COLEC10: variants seen among roughly 807,000 people sequenced by gnomAD.
COLEC10 encodes the protein collectin subfamily member 10, also known as collectin-10.
Under a neutral mutation model 28.4 loss-of-function variants are expected in COLEC10, and 22 were observed. The observed-to-expected ratio is 0.78, with a 90% CI of 0.55 to 1.11. The LOEUF (loss-of-function observed/expected upper bound fraction) is 1.11. COLEC10 is among the 50% of genes least tolerant of loss of function. The probability of loss-of-function intolerance (pLI) is 0.00; values close to 1 mark genes in which losing one functional copy is unlikely to be tolerated. For missense variants in COLEC10, 361 were observed against 344.1 expected (o/e 1.05, Z -0.39); for synonymous variants, 125 against 116.1 (o/e 1.08, Z -0.49).
intron 2 of COLEC10, among the ~76,000 whole-genome samples, chr8:119,050,493 A>G (rs762476916): frequency 4.6e-5 from 7 of 152,212 alleles, no homozygotes; most frequent in Non-Finnish European, 8.8e-5. Context: ...GAGAAACAGC[A>G]TATACACACT....
At chr8:119,101,049 TC>T (rs1815814924) in intron 3 of COLEC10, among the ~76,000 whole-genome samples, 2 of 152,160 alleles carry the variant, frequency 1.3e-5, no homozygotes, top group African/African-American at 2.4e-5. Flanking sequence ...CCAATGGGTG[TC>T]CTCAGCGCAT....
chr8:118,964,322 C>T, the COLEC10 span, among the ~76,000 whole-genome samples: 1 of 152,116 alleles, frequency 6.6e-6, no homozygotes, highest in Non-Finnish European at 1.5e-5. Flanking sequence ...ACAAATATAT[C>T]GATCCCTTCT....
intron 2 of COLEC10, among the ~76,000 whole-genome samples, chr8:119,038,683 C>T (rs12375331): frequency 0.22 from 32,896 of 152,144 alleles, 3,745 homozygotes; most frequent in Middle Eastern, 0.33. Context: ...ATGTAACTAA[C>T]ACCTGTGAAT....
intron 2 of COLEC10, among the ~76,000 whole-genome samples, chr8:119,050,757 G>T (rs572757849): frequency 1.3e-5 from 2 of 152,304 alleles, no homozygotes; most frequent in South Asian, 4.1e-4. Context: ...ATATGTCAGT[G>T]ATTCTGTCCT....
chr8:118,987,290 G>T, the COLEC10 span, among the ~76,000 whole-genome samples: 1 of 152,170 alleles, frequency 6.6e-6, no homozygotes, highest in East Asian at 1.9e-4. Context: ...CAGGCTGGGT[G>T]CAGTGGCTCA....
chr8:119,078,139 C>A (rs984340195), intron 1 of COLEC10, among the ~76,000 whole-genome samples: 1 of 152,314 alleles, frequency 6.6e-6, no homozygotes, highest in East Asian at 1.9e-4. Flanking sequence ...CTACCAGGCC[C>A]CACCTCCAAC....
At chr8:118,970,232 G>A in the COLEC10 span, among the ~76,000 whole-genome samples, 1 of 151,984 alleles carries the variant, frequency 6.6e-6, no homozygotes, top group Non-Finnish European at 1.5e-5. Flanking sequence ...CCTATTTAAG[G>A]AGTAGCAAAT....
intron 1 of COLEC10, among the ~76,000 whole-genome samples, chr8:119,077,435 G>C (rs887505895): frequency 2.6e-5 from 4 of 152,012 alleles, no homozygotes; most frequent in African/African-American, 9.7e-5. Flanking sequence ...CAACTGCCAA[G>C]GTGTCCCAGC....
the COLEC10 span, among the ~76,000 whole-genome samples, chr8:118,984,059 T>C: frequency 1.3e-5 from 2 of 149,370 alleles, no homozygotes; most frequent in African/African-American, 2.6e-5. Flanking sequence ...CTATTCACAA[T>C]AGCAAAGACA....
the COLEC10 span, among the ~76,000 whole-genome samples, chr8:118,967,526 T>A: frequency 1.3e-5 from 2 of 152,112 alleles, no homozygotes; most frequent in Non-Finnish European, 2.9e-5. Flanking sequence ...ACAATAATAA[T>A]GTCTGAAGTA....
intron 2 of COLEC10, among the ~76,000 whole-genome samples, chr8:119,021,717 C>A (rs1291922593): frequency 6.6e-6 from 1 of 152,104 alleles, no homozygotes; most frequent in African/African-American, 2.4e-5. Context: ...CCATCAACTC[C>A]AACAAGAAGA....
intron 2 of COLEC10, among the ~76,000 whole-genome samples, chr8:119,033,126 G>T (rs1489612030): frequency 6.6e-6 from 1 of 152,176 alleles, no homozygotes; most frequent in African/African-American, 2.4e-5. Flanking sequence ...GCAAATGGGG[G>T]TGTGGAGGGC....
chr8:119,034,177 G>A (rs751154642), intron 2 of COLEC10, among the ~76,000 whole-genome samples: 47 of 152,082 alleles, frequency 3.1e-4, no homozygotes, highest in Non-Finnish European at 5.9e-4. Context: ...TCACTCATAA[G>A]TGGGAGTTGA....
chr8:119,038,941 A>G (rs1451764045), intron 2 of COLEC10, among the ~76,000 whole-genome samples: 1 of 152,076 alleles, frequency 6.6e-6, no homozygotes, highest in Non-Finnish European at 1.5e-5. Flanking sequence ...CCTAATTACT[A>G]TTATACATAG....
At chr8:119,006,038 T>C (rs1813788631) in intron 1 of COLEC10, among the ~76,000 whole-genome samples, 1 of 152,068 alleles carries the variant, frequency 6.6e-6, no homozygotes, top group Non-Finnish European at 1.5e-5. Context: ...CAGTATCCTA[T>C]GTGAACACTA....
chr8:119,030,428 C>T (rs977226895), intron 2 of COLEC10, among the ~76,000 whole-genome samples: 4 of 152,072 alleles, frequency 2.6e-5, no homozygotes, highest in Non-Finnish European at 5.9e-5. Flanking sequence ...CTGTGGGAGA[C>T]TGAGGTGGGC....
intron 3 of COLEC10, among the ~76,000 whole-genome samples, chr8:119,094,568 G>C (rs1480566399): frequency 1.3e-5 from 2 of 152,158 alleles, no homozygotes; most frequent in Non-Finnish European, 2.9e-5. Flanking sequence ...TGGAGGAGAA[G>C]GGAATCATAC....
chr8:119,091,607 A>G (rs200854870), intron 3 of COLEC10, among the ~76,000 whole-genome samples: 1,169 of 104,048 alleles, frequency 0.011, 16 homozygotes, highest in African/African-American at 0.067. Flanking sequence ...GAAAGAAAGA[A>G]AGAAAGAAAG....
At chr8:119,021,388 T>A (rs1020611102) in intron 2 of COLEC10, among the ~76,000 whole-genome samples, 3 of 152,180 alleles carry the variant, frequency 2.0e-5, no homozygotes, top group Non-Finnish European at 2.9e-5. Context: ...TCCCTGCAGA[T>A]GAACTACAGC....
Sources: gnomAD v4.1 joint callset for allele counts (sites outside exome capture counted in the v4.1 genomes callset) on GRCh38, gnomAD v4.1.1 for gene constraint, MANE v1.5 for transcripts, NCBI Gene and HGNC (gene_info 2026-07-23, HGNC 2026-07-21) for gene names.